Variants in ESCO2 observed in about 807,000 individuals in gnomAD.
The protein encoded by ESCO2 is establishment of sister chromatid cohesion N-acetyltransferase 2.
A neutral mutation model predicts 61.7 loss-of-function variants in ESCO2; 51 were observed. The observed-to-expected ratio is 0.83, with a 90% CI of 0.66 to 1.04. ESCO2 has a LOEUF of 1.04. ESCO2 is among the 50% of genes least tolerant of loss of function. ESCO2 has a pLI of 0.00. For synonymous variants in ESCO2, 230 were observed against 238.2 expected, an observed-to-expected ratio of 0.97 and a Z score of 0.32; for missense variants, 692 against 686.2, an observed-to-expected ratio of 1.01 and a Z score of -0.09.
chr8:27,781,545 C>T (rs1274818548), intron 4 of ESCO2, among the ~76,000 whole-genome samples: 10 of 149,396 alleles, frequency 6.7e-5, no homozygotes, highest in Non-Finnish European at 1.5e-4. Context: ...AACTAAGAAA[C>T]TTGTATTGGT....
downstream of ESCO2, among the ~76,000 whole-genome samples, chr8:27,813,149 T>A (rs1243678450): frequency 6.6e-6 from 1 of 152,170 alleles, no homozygotes; most frequent in Non-Finnish European, 1.5e-5. Flanking sequence ...TAAAAAAGGA[T>A]GAGTTCATAT....
chr8:27,810,132 C>T (rs182928344), downstream of ESCO2: 2,286 of 582,118 alleles, frequency 3.9e-3, 5 homozygotes, highest in Non-Finnish European at 5.8e-3. Context: ...ATTCCAAGTG[C>T]TTATAGCCAA....
upstream of ESCO2, chr8:27,772,566 C>T: frequency 1.3e-6 from 2 of 1,548,192 alleles, no homozygotes; most frequent in Non-Finnish European, 1.7e-6. Flanking sequence ...GCGGTGACTC[C>T]ACCGCGGAGC....
intron 6 of ESCO2, 89 bp from the exon 7 acceptor site, chr8:27,788,758 T>G (rs1048450592): frequency 1.8e-5 from 27 of 1,537,894 alleles, no homozygotes; most frequent in African/African-American, 4.1e-5. Flanking sequence ...AAAAATTAGG[T>G]GAAATTTGAA....
chr8:27,778,161 G>T (rs1002348183), intron 3 of ESCO2: 1 of 152,142 alleles, frequency 6.6e-6, no homozygotes, highest in Non-Finnish European at 1.5e-5. Flanking sequence ...GCAATAATCA[G>T]AGCTGAATAT....
upstream of ESCO2, chr8:27,772,677 T>A (rs1056758051): frequency 1.3e-6 from 1 of 786,026 alleles, no homozygotes; most frequent in African/African-American, 1.8e-5. Flanking sequence ...GGGCGCGTCA[T>A]AACGCCGGCC....
intron 4 of ESCO2, among the ~76,000 whole-genome samples, chr8:27,782,422 C>G (rs1293290053): frequency 1.3e-5 from 2 of 152,106 alleles, no homozygotes; most frequent in Non-Finnish European, 2.9e-5. Flanking sequence ...CCACCATGCC[C>G]GGCTAATTTT....
downstream of ESCO2, chr8:27,808,270 T>A: frequency 8.6e-7 from 1 of 1,164,308 alleles, no homozygotes; most frequent in Non-Finnish European, 1.1e-6. Context: ...GCTGATTATC[T>A]CCTTTTATGG....
intron 4 of ESCO2, among the ~76,000 whole-genome samples, chr8:27,783,785 A>G (rs1233584248): frequency 6.6e-6 from 1 of 152,146 alleles, no homozygotes; most frequent in African/African-American, 2.4e-5. Flanking sequence ...TTAATTTTAC[A>G]TAAGGTTTGA....
chr8:27,807,851 G>C (rs1230533707), downstream of ESCO2, among the ~76,000 whole-genome samples: 1 of 152,120 alleles, frequency 6.6e-6, no homozygotes, highest in African/African-American at 2.4e-5. Flanking sequence ...TCATGATGGT[G>C]GAAGGAACCC....
chr8:27,801,456 C>G (rs1805423790), intron 10 of ESCO2, among the ~76,000 whole-genome samples: 2 of 152,116 alleles, frequency 1.3e-5, no homozygotes, highest in African/African-American at 4.8e-5. Context: ...CACATACTTA[C>G]AAAGGGTATC....
rs903790619 is a variant in ESCO2 at position 27,804,319 on chromosome 8, G to C, written c.*881G>C. 4.1e-6 allele frequency: 4 copies of C among 985,298 alleles called. No individual in the cohort carries two copies. The African/African-American group carries it at 7.0e-5, about 17-fold the overall frequency. The allele number at this position is 985,298 out of a possible 1,614,324, so 61.0% of individuals were successfully genotyped here. On this transcript the variant is annotated 3_prime_UTR_variant, in exon 11 of 11. Transcript: ENST00000305188. The stretch of plus-strand genomic sequence containing the variant: ...ATTGGTAGTACTACTTTGGGAACCT[G>C]TTACTGACAATTGATGTCATTAACA...
At chr8:27,786,883 T>C (rs1423092292) in intron 5 of ESCO2, among the ~76,000 whole-genome samples, 1 of 151,316 alleles carries the variant, frequency 6.6e-6, no homozygotes, top group Non-Finnish European at 1.5e-5. Context: ...TTCTTTCTTA[T>C]TTACTTCTAC....
At chr8:27,780,322 A>G (rs1345062903) in intron 4 of ESCO2, 55 bp downstream of exon 4, 7 of 1,085,370 alleles carry the variant, frequency 6.4e-6, no homozygotes, top group East Asian at 2.4e-5. Flanking sequence ...TATTACATAC[A>G]TTATACAATA....
intron 9 of ESCO2, among the ~76,000 whole-genome samples, chr8:27,793,081 A>G (rs1436952197): frequency 1.3e-5 from 2 of 152,232 alleles, no homozygotes; most frequent in African/African-American, 4.8e-5. Context: ...AAACAAATCT[A>G]TAAACTGAAA....
chr8:27,783,602 C>G (rs1435206632), intron 4 of ESCO2, among the ~76,000 whole-genome samples: 1 of 151,632 alleles, frequency 6.6e-6, no homozygotes, highest in Admixed American at 6.6e-5. Flanking sequence ...TATGTTTTTC[C>G]TTTATTATTA....
At chr8:27,801,040 A>G (rs182633248) in intron 10 of ESCO2, among the ~76,000 whole-genome samples, 53 of 152,278 alleles carry the variant, frequency 3.5e-4, no homozygotes, top group African/African-American at 1.2e-3. Flanking sequence ...ATTTGTTAAT[A>G]TACACAAAAC....
downstream of ESCO2, among the ~76,000 whole-genome samples, chr8:27,816,118 T>A (rs527970386): frequency 3.8e-4 from 58 of 152,102 alleles, 1 homozygote; most frequent in Admixed American, 1.1e-3. Flanking sequence ...ACATCTAGAC[T>A]AGGTTAAGGG....
At position 27,780,052 on chromosome 8, in the gene ESCO2, T is replaced by C. The variant is rs979069794; in HGVS notation, c.862-122T>C. On this transcript the variant is annotated intron_variant, in intron 3 of 10. Coordinates refer to ENST00000305188, the MANE Select transcript of ESCO2 (RefSeq NM_001017420.3). Reference sequence around the variant, plus strand: ...TTTGAAAATTGATTGAAAATCACATTATGAAATGTAATTCATAATAAACCA... The same window carrying C: ...TTTGAAAATTGATTGAAAATCACATCATGAAATGTAATTCATAATAAACCA... 2.6e-5 allele frequency: 18 copies of C among 687,166 alleles called. No individual in the cohort carries two copies. The Middle Eastern group carries it at 1.5e-3, about 59-fold the overall frequency. 42.6% of individuals were successfully genotyped at this position (687,166 alleles called of 1,614,324 possible).
Sources: allele counts gnomAD v4.1 joint callset (sites outside exome capture counted in the v4.1 genomes callset), GRCh38; gene constraint gnomAD v4.1.1; transcripts MANE v1.5; gene names NCBI Gene and HGNC (gene_info 2026-07-23, HGNC 2026-07-21).